SBF2: variants seen among roughly 807,000 people sequenced by gnomAD.
SBF2 encodes SET binding factor 2.
In SBF2, 112 loss-of-function variants were observed where a neutral mutation model predicts 225.2. The ratio of observed to expected loss-of-function variants is 0.50; its 90% confidence interval spans 0.43 to 0.58. The LOEUF is 0.58. Among genes scored for constraint, SBF2 ranks in the 20% least tolerant of loss-of-function variants. SBF2 has a pLI of 0.00. For missense variants in SBF2, 1,996 were observed against 2,206.2 expected (o/e 0.90, Z 1.91); for synonymous variants, 763 against 773.3 (o/e 0.99, Z 0.22).
intron 16 of SBF2, among the ~76,000 whole-genome samples, chr11:9,914,648 C>A (rs1161137527): frequency 6.6e-6 from 1 of 152,064 alleles, no homozygotes; most frequent in Non-Finnish European, 1.5e-5. Flanking sequence ...TTTGGACACA[C>A]TATCAAAAGC....
intron 16 of SBF2, among the ~76,000 whole-genome samples, chr11:9,940,324 G>T (rs1865176754): frequency 6.6e-6 from 1 of 152,142 alleles, no homozygotes; most frequent in African/African-American, 2.4e-5. Context: ...AGAATGGTGT[G>T]AACCTGGGAG....
chr11:9,882,634 C>T (rs535717984), intron 17 of SBF2, among the ~76,000 whole-genome samples: 2 of 151,860 alleles, frequency 1.3e-5, no homozygotes, highest in Non-Finnish European at 2.9e-5. Context: ...CGGTGAAACC[C>T]CGTCTCTACT....
intron 17 of SBF2, among the ~76,000 whole-genome samples, chr11:9,883,400 C>G (rs747573592): frequency 6.6e-6 from 1 of 152,004 alleles, no homozygotes; most frequent in Non-Finnish European, 1.5e-5. Context: ...ACTGCAGGTG[C>G]CTCCTCCAGC....
At chr11:9,990,422 T>C (rs561086654) in intron 12 of SBF2, among the ~76,000 whole-genome samples, 47 of 152,290 alleles carry the variant, frequency 3.1e-4, no homozygotes, top group African/African-American at 1.1e-3. Flanking sequence ...TAACACCCCA[T>C]TGTGGTAGGC....
At chr11:9,953,838 A>G (rs1865998418) in intron 16 of SBF2, among the ~76,000 whole-genome samples, 1 of 152,148 alleles carries the variant, frequency 6.6e-6, no homozygotes, top group East Asian at 1.9e-4. Flanking sequence ...ATCTATTTCT[A>G]TGTTAGTGAG....
rs1435345405 is a variant in SBF2, at chr11:9,858,212, T to C, written c.2100+14A>G. The C allele has an allele frequency of 3.7e-6, 6 of 1,613,954 alleles. No individual in the cohort carries two copies. Among genetic ancestry groups the C allele is most frequent in the Middle Eastern group, 1.7e-4 (1 of 6,038 alleles). ...CTAATCCCACACAATTAGAGTTCTT[T>C]TCTTCTCTCTTACCTTTTGCTTCAG... is the stretch of plus-strand genomic sequence containing the variant. On this transcript the variant is annotated intron_variant, in intron 18 of 39. Transcript: ENST00000256190.
chr11:9,945,264 A>T (rs999604757), intron 16 of SBF2, among the ~76,000 whole-genome samples: 4 of 152,226 alleles, frequency 2.6e-5, no homozygotes, highest in Non-Finnish European at 4.4e-5. Flanking sequence ...GGCCAATGAG[A>T]CAGGTTAGAG....
At chr11:9,981,973 A>C (rs1300705055) in intron 13 of SBF2, among the ~76,000 whole-genome samples, 4 of 152,236 alleles carry the variant, frequency 2.6e-5, no homozygotes, top group South Asian at 2.1e-4. Context: ...AGAAGAAATA[A>C]GGAACACTCA....
intron 1 of SBF2, among the ~76,000 whole-genome samples, chr11:10,221,185 T>C (rs924313961): frequency 6.6e-6 from 1 of 151,442 alleles, no homozygotes; most frequent in Admixed American, 6.6e-5. Context: ...TGCCGCAATA[T>C]CAGCTCATTG....
intron 1 of SBF2, among the ~76,000 whole-genome samples, chr11:10,194,529 G>A (rs76793445): frequency 6.6e-6 from 1 of 151,758 alleles, no homozygotes; most frequent in Non-Finnish European, 1.5e-5. Flanking sequence ...ACTTTTTTTT[G>A]AGGCAGAGTC....
chr11:9,847,113 A>G (rs1249026103), intron 22 of SBF2, 30 bp from the exon 23 acceptor site: 3 of 1,613,358 alleles, frequency 1.9e-6, no homozygotes, highest in Non-Finnish European at 1.7e-6. Context: ...AGCTTCAGCA[A>G]CAACACTTTA....
intron 2 of SBF2, among the ~76,000 whole-genome samples, chr11:10,089,603 T>A (rs902276071): frequency 6.6e-6 from 1 of 152,176 alleles, no homozygotes; most frequent in East Asian, 1.9e-4. Context: ...TAAACAAATA[T>A]TGTATGTATA....
intron 2 of SBF2, among the ~76,000 whole-genome samples, chr11:10,069,318 ACCC>A (rs144803249): frequency 0.36 from 25,819 of 71,488 alleles, 3,078 homozygotes; most frequent in Non-Finnish European, 0.43. Context: ...CCCTCCCCCC[ACCC>A]CCCAACAGGC....
In SBF2 at chr11:10,079,885, C is replaced by T. The variant is rs1006026674; in HGVS notation, c.142-36904G>A. Among the ~76,000 whole-genome samples the T allele has an allele frequency of 2.6e-5, 4 of 152,038 alleles. No individual in the cohort carries two copies. In the East Asian group the frequency reaches 7.7e-4, roughly 29 times the overall value. On this transcript the variant is annotated intron_variant, in intron 2 of 39. Coordinates refer to ENST00000256190, the MANE Select transcript of SBF2 (RefSeq NM_030962.4). ...TATCAAGGAAATCCCAAGAGACTAA[C>T]AGTAGACTTCTCAGCAGAAACCTTA...
At chr11:10,003,911 G>A (rs1409145225) in intron 6 of SBF2, among the ~76,000 whole-genome samples, 3 of 151,808 alleles carry the variant, frequency 2.0e-5, no homozygotes, top group African/African-American at 7.3e-5. Flanking sequence ...ATACACACCC[G>A]GTAAAGCAAG....
At chr11:10,248,870 C>T (rs919113954) in intron 1 of SBF2, among the ~76,000 whole-genome samples, 1 of 152,080 alleles carries the variant, frequency 6.6e-6, no homozygotes, top group Non-Finnish European at 1.5e-5. Context: ...CCGAGGTGGG[C>T]GGATCACAAG....
chr11:9,823,452 A>C (rs945719363), intron 28 of SBF2, among the ~76,000 whole-genome samples: 4 of 152,024 alleles, frequency 2.6e-5, no homozygotes, highest in Non-Finnish European at 4.4e-5. Flanking sequence ...AAAATTGTGA[A>C]AATAGGGGAG....
At chr11:9,848,455 AT>A (rs1283103410) in intron 22 of SBF2, among the ~76,000 whole-genome samples, 1 of 152,262 alleles carries the variant, frequency 6.6e-6, no homozygotes, top group Non-Finnish European at 1.5e-5. Context: ...AAGGCAGAGA[AT>A]ATGAGATTTC....
At chr11:9,946,203 C>T (rs948071951) in intron 16 of SBF2, among the ~76,000 whole-genome samples, 2 of 152,164 alleles carry the variant, frequency 1.3e-5, no homozygotes, top group African/African-American at 4.8e-5. Flanking sequence ...CAATGGTTGA[C>T]TGGATAAAGA....
Sources: gnomAD v4.1 joint callset for allele counts (sites outside exome capture counted in the v4.1 genomes callset) on GRCh38, gnomAD v4.1.1 for gene constraint, MANE v1.5 for transcripts, NCBI Gene and HGNC (gene_info 2026-07-23, HGNC 2026-07-21) for gene names.